ACAP2: variants seen among roughly 807,000 people sequenced by gnomAD.
The protein encoded by ACAP2 is ArfGAP with coiled-coil, ankyrin repeat and PH domains 2.
Under a neutral mutation model 115.8 loss-of-function variants are expected in ACAP2, and 39 were observed. That is an observed-to-expected ratio of 0.34 (90% CI 0.26 to 0.44). ACAP2 has a LOEUF of 0.44. Ranked by LOEUF, ACAP2 falls within the 20% of genes least tolerant of loss-of-function variation. The pLI is 1.00. For synonymous variants in ACAP2, 289 were observed against 315.8 expected, an observed-to-expected ratio of 0.92 and a Z score of 0.90; for missense variants, 662 against 927.6, an observed-to-expected ratio of 0.71 and a Z score of 3.72.
intron 4 of ACAP2, among the ~76,000 whole-genome samples, chr3:195,360,928 A>T (rs1444886102): frequency 6.6e-6 from 1 of 151,680 alleles, no homozygotes; most frequent in Admixed American, 6.6e-5. Flanking sequence ...CCAGCACATG[A>T]ATCATTCTTA....
chr3:195,414,798 A>G (rs1203966854), intron 1 of ACAP2, among the ~76,000 whole-genome samples: 3 of 152,216 alleles, frequency 2.0e-5, no homozygotes, highest in African/African-American at 2.4e-5. Context: ...AATCAAAAAA[A>G]TCTGAAACCC....
intron 9 of ACAP2, among the ~76,000 whole-genome samples, chr3:195,322,967 T>C (rs1423417650): frequency 1.3e-5 from 2 of 152,174 alleles, no homozygotes; most frequent in Non-Finnish European, 2.9e-5. Flanking sequence ...AGAATCTCCT[T>C]AAATACACTG....
intron 6 of ACAP2, among the ~76,000 whole-genome samples, chr3:195,337,319 T>C (rs1056738279): frequency 2.0e-5 from 3 of 152,158 alleles, no homozygotes; most frequent in Admixed American, 1.3e-4. Context: ...TAAATGTAAA[T>C]TCTCAGCACT....
At chr3:195,374,984 G>A (rs949138885) in intron 4 of ACAP2, among the ~76,000 whole-genome samples, 24 of 152,058 alleles carry the variant, frequency 1.6e-4, no homozygotes, top group African/African-American at 5.1e-4. Flanking sequence ...CTGAGGTCAG[G>A]AGTTAGAGAC....
chr3:195,280,467 G>A (rs1253325681), intron 22 of ACAP2, among the ~76,000 whole-genome samples: 2 of 151,954 alleles, frequency 1.3e-5, no homozygotes, highest in African/African-American at 2.4e-5. Flanking sequence ...GCGAGACTCT[G>A]TTTCAATAAA....
At chr3:195,427,615 C>A (rs1714781774) in intron 1 of ACAP2, among the ~76,000 whole-genome samples, 1 of 152,096 alleles carries the variant, frequency 6.6e-6, no homozygotes, top group Non-Finnish European at 1.5e-5. Flanking sequence ...ATTTGTGTAT[C>A]TAAACATATC....
At chr3:195,398,020 G>GGAA (rs1711948232) in intron 1 of ACAP2, among the ~76,000 whole-genome samples, 2 of 152,166 alleles carry the variant, frequency 1.3e-5, no homozygotes. Flanking sequence ...AAGGCTTACT[G>GGAA]GAAGAGAGAC....
At chr3:195,286,172 C>G (rs1577233413) in intron 21 of ACAP2, among the ~76,000 whole-genome samples, 1 of 152,314 alleles carries the variant, frequency 6.6e-6, no homozygotes, top group East Asian at 1.9e-4. Context: ...TTACAGCAAC[C>G]TGTCAAATTT....
intron 8 of ACAP2, among the ~76,000 whole-genome samples, chr3:195,331,275 C>G (rs1489945850): frequency 6.6e-6 from 1 of 152,080 alleles, no homozygotes; most frequent in Non-Finnish European, 1.5e-5. Context: ...CACATATACT[C>G]TGGTCAGTAA....
chr3:195,295,691 A>C lies in ACAP2; in HGVS notation c.1672+17T>G, dbSNP rs752286393. 5 of 1,613,804 alleles carry C rather than the reference A, an allele frequency of 3.1e-6. No homozygotes were observed. In the Admixed American group the frequency reaches 8.3e-5, roughly 27 times the overall value. ...TTAAGAAAATAGCTATAGACACAGT[A>C]AGAAAGTTTGCCATACCTGAACTTT... is the stretch of plus-strand genomic sequence containing the variant. On this transcript the variant is annotated intron_variant, in intron 17 of 22. Coordinates refer to ENST00000326793, the MANE Select transcript of ACAP2 (RefSeq NM_012287.6).
chr3:195,304,163 C>CAAAAAAAAAAAA (rs56055597), intron 13 of ACAP2, among the ~76,000 whole-genome samples: 5 of 63,274 alleles, frequency 7.9e-5, no homozygotes, highest in Non-Finnish European at 1.0e-4. Context: ...GACTCCATCT[C>CAAAAAAAAAAAA]AAAAAAAAAA....
chr3:195,302,814 CGG>C (rs1728152938), intron 13 of ACAP2, among the ~76,000 whole-genome samples: 1 of 152,092 alleles, frequency 6.6e-6, no homozygotes, highest in Non-Finnish European at 1.5e-5. Context: ...TGGCCGAGAG[CGG>C]TGTCACCCCT....
chr3:195,292,567 G>A, intron 18 of ACAP2, 115 bp from the exon 19 acceptor site: 1 of 958,824 alleles, frequency 1.0e-6, no homozygotes. Context: ...GTGGATGAAT[G>A]GCAGTAAAGA....
intron 4 of ACAP2, among the ~76,000 whole-genome samples, chr3:195,376,346 G>A (rs1327394108): frequency 6.6e-6 from 1 of 151,592 alleles, no homozygotes; most frequent in Non-Finnish European, 1.5e-5. Flanking sequence ...GTGAGCCAAG[G>A]TCACGCACTC....
intron 1 of ACAP2, among the ~76,000 whole-genome samples, chr3:195,406,323 C>T (rs1392851736): frequency 6.6e-6 from 1 of 152,138 alleles, no homozygotes; most frequent in Non-Finnish European, 1.5e-5. Flanking sequence ...GACTGTAAAA[C>T]TTCAGTCATG....
At chr3:195,346,479 T>A (rs1731194809) in intron 4 of ACAP2, among the ~76,000 whole-genome samples, 1 of 152,158 alleles carries the variant, frequency 6.6e-6, no homozygotes, top group Non-Finnish European at 1.5e-5. Flanking sequence ...AAGAAACAAC[T>A]GTAGGCCTGC....
intron 10 of ACAP2, among the ~76,000 whole-genome samples, chr3:195,318,854 A>G (rs926043296): frequency 6.6e-6 from 1 of 152,226 alleles, no homozygotes; most frequent in African/African-American, 2.4e-5. Flanking sequence ...AATAATGAGG[A>G]GCTGAATGTT....
chr3:195,436,185 G>A (rs1715532529), intron 1 of ACAP2, among the ~76,000 whole-genome samples: 1 of 150,446 alleles, frequency 6.6e-6, no homozygotes, highest in Admixed American at 6.6e-5. Flanking sequence ...GGAGTGCAGT[G>A]GCACGATCTC....
At chr3:195,420,975 A>C (rs774836682) in intron 1 of ACAP2, among the ~76,000 whole-genome samples, 2 of 152,170 alleles carry the variant, frequency 1.3e-5, no homozygotes, top group Non-Finnish European at 2.9e-5. Context: ...TACTTGTTCT[A>C]TAGTGATAGA....
Sources: allele counts gnomAD v4.1 joint callset (sites outside exome capture counted in the v4.1 genomes callset), GRCh38; gene constraint gnomAD v4.1.1; transcripts MANE v1.5; gene names NCBI Gene and HGNC (gene_info 2026-07-23, HGNC 2026-07-21).